The following AXL variants were observed in gnomAD, a reference collection of about 807,000 sequenced individuals.
The protein encoded by AXL is AXL receptor tyrosine kinase.
AXL carries 52 observed loss-of-function variants against 104.5 expected under a neutral mutation model. The ratio of observed to expected loss-of-function variants is 0.50; its 90% CI spans 0.40 to 0.63. The LOEUF (loss-of-function observed/expected upper bound fraction) is 0.63, where lower values mean the gene tolerates loss of function less well. Ranked by LOEUF, AXL falls within the 20% of genes least tolerant of loss-of-function variation. The probability of loss-of-function intolerance (pLI) is 0.00; values close to 1 mark genes in which losing one functional copy is unlikely to be tolerated. For missense variants in AXL, 1,024 were observed against 1,188.5 expected, an observed-to-expected ratio of 0.86 and a Z score of 2.04; for synonymous variants, 455 against 473.7, an observed-to-expected ratio of 0.96 and a Z score of 0.51.
chr19:41,242,841 C>G, intron 10 of AXL, 42 bp from the exon 11 acceptor site: 1 of 1,612,004 alleles, frequency 6.2e-7, no homozygotes, highest in Non-Finnish European at 8.5e-7. Context: ...AGAGCTGGAT[C>G]CAAGGCTTCA....
At chr19:41,254,376 C>CAAA (rs34633761) in intron 17 of AXL, among the ~76,000 whole-genome samples, 3 of 81,168 alleles carry the variant, frequency 3.7e-5, no homozygotes, top group Non-Finnish European at 4.8e-5. Context: ...GACTCTGTCT[C>CAAA]AAAAAAAAAA....
chr19:41,258,555 C>T (rs2034488708), intron 19 of AXL, among the ~76,000 whole-genome samples: 1 of 152,180 alleles, frequency 6.6e-6, no homozygotes, highest in Non-Finnish European at 1.5e-5. Context: ...GCTGGGACTA[C>T]AGGCGTGTGC....
chr19:41,252,552 C>T, intron 15 of AXL, 109 bp downstream of exon 15: 2 of 1,286,848 alleles, frequency 1.6e-6, no homozygotes, highest in African/African-American at 1.5e-5. Context: ...CTTCCTGCTC[C>T]CCGCTCCTTC....
At chr19:41,257,677 T>C in intron 19 of AXL, 48 bp downstream of exon 19, 4 of 1,611,080 alleles carry the variant, frequency 2.5e-6, no homozygotes, top group Non-Finnish European at 3.4e-6. Flanking sequence ...TCCAAACCCC[T>C]GACTACCCCC....
At chr19:41,254,920 A>C (rs2034429094) in intron 17 of AXL, among the ~76,000 whole-genome samples, 1 of 152,230 alleles carries the variant, frequency 6.6e-6, no homozygotes, top group South Asian at 2.1e-4. Context: ...TCTAAAAAAA[A>C]ATTGATGTAT....
chr19:41,257,257 T>C (rs909030747), intron 18 of AXL, among the ~76,000 whole-genome samples: 5 of 152,244 alleles, frequency 3.3e-5, no homozygotes, highest in African/African-American at 9.6e-5. Context: ...TTGGCCAGGC[T>C]GGTCTCAAAC....
At chr19:41,252,145 TA>T (rs1160132470) in intron 14 of AXL, among the ~76,000 whole-genome samples, 33 of 145,210 alleles carry the variant, frequency 2.3e-4, no homozygotes, top group African/African-American at 8.0e-4. Context: ...ATATATTTTA[TA>T]TATATATATA....
intron 6 of AXL, 29 bp downstream of exon 6, chr19:41,231,327 G>A (rs751189022): frequency 3.8e-6 from 6 of 1,582,222 alleles, no homozygotes; most frequent in Non-Finnish European, 5.2e-6. Context: ...GTTCATTTCA[G>A]TCTCAGGCCT....
rs150914023 is a variant in AXL, at chr19:41,231,265, C to T, written c.750C>T (p.Ser250=). 1.1e-3 allele frequency: 1,717 copies of T among 1,613,756 alleles called. 30 individuals are homozygous for T. The Admixed American group carries it at 0.026, about 25-fold the overall frequency. The change falls in exon 6 of 20, where the codon AGC becomes AGT. Residue 250 remains serine, a synonymous_variant. Coordinates refer to ENST00000301178, the MANE Select transcript of AXL (RefSeq NM_021913.5). ...ELEVAWTPGL[S]GIYPLTHCTL... Reference sequence around the variant, plus strand: ...AGGTGGCTTGGACTCCAGGCCTGAGCGGCATCTACCCCCTGACCCACTGCA... The same window carrying T: ...AGGTGGCTTGGACTCCAGGCCTGAGTGGCATCTACCCCCTGACCCACTGCA...
At chr19:41,249,454 T>A (rs974417196) in intron 14 of AXL, among the ~76,000 whole-genome samples, 1 of 149,894 alleles carries the variant, frequency 6.7e-6, no homozygotes, top group Admixed American at 6.6e-5. Context: ...GACTTTGTCT[T>A]AAAAAAATAA....
intron 19 of AXL, among the ~76,000 whole-genome samples, chr19:41,258,635 C>G (rs1218378340): frequency 6.6e-6 from 1 of 152,156 alleles, no homozygotes. Flanking sequence ...CCAGGATGGT[C>G]TTGATATCGT....
At chr19:41,249,575 G>A (rs1328531274) in intron 14 of AXL, among the ~76,000 whole-genome samples, 4 of 152,114 alleles carry the variant, frequency 2.6e-5, no homozygotes, top group African/African-American at 9.7e-5. Context: ...GATCTGCATA[G>A]CGAAACCCCA....
chr19:41,239,424 T>A (rs2034141383), intron 9 of AXL, 110 bp downstream of exon 9: 5 of 1,436,404 alleles, frequency 3.5e-6, no homozygotes, highest in Non-Finnish European at 4.7e-6. Flanking sequence ...GTTCCTACCC[T>A]GAGCCTTACT....
rs146266655 is a variant in AXL at position 41,259,339 on chromosome 19, C to T, written c.2334-214C>T. On this transcript the variant is annotated intron_variant, in intron 19 of 19. Coordinates refer to ENST00000301178, the MANE Select transcript of AXL (RefSeq NM_021913.5). Reference sequence around the variant, plus strand: ...CTACTCCATATACAGACAGGTTTCCCGAGACCCTTCCCAGCTCCTGAGTCT... The same window carrying T: ...CTACTCCATATACAGACAGGTTTCCTGAGACCCTTCCCAGCTCCTGAGTCT... Among the ~76,000 whole-genome samples the T allele has an allele frequency of 6.7e-3, 1,019 of 152,178 alleles. 14 individuals are homozygous for T. The highest frequency in any genetic ancestry group is 0.023 in the African/African-American group (954 of 41,504).
At chr19:41,224,819 C>G (rs1329994830) in intron 4 of AXL, among the ~76,000 whole-genome samples, 1 of 152,016 alleles carries the variant, frequency 6.6e-6, no homozygotes, top group African/African-American at 2.4e-5. Context: ...TAACAGCACC[C>G]TCTGCTTCTC....
At chr19:41,248,706 C>A (rs2122264724) in intron 13 of AXL, 37 bp from the exon 14 acceptor site, 1 of 1,613,112 alleles carries the variant, frequency 6.2e-7, no homozygotes, top group East Asian at 2.2e-5. Context: ...TCCCCACGGG[C>A]CCTCTGAGGT....
chr19:41,228,555 A>G (rs909803656), intron 4 of AXL, among the ~76,000 whole-genome samples: 4 of 152,162 alleles, frequency 2.6e-5, no homozygotes, highest in African/African-American at 7.2e-5. Context: ...CTCTCAAAAA[A>G]CAAAAGAAAA....
rs112048926 is a variant in AXL at position 41,255,737 on chromosome 19, G to GT, written c.2037-704dup. Reference sequence around the variant, plus strand: ...ATTACAGGCTTGAGCCACTGTGCCTGTTTTTTTTTTTGTTTGTTTTTGAGA... The same window carrying GT: ...ATTACAGGCTTGAGCCACTGTGCCTGTTTTTTTTTTTTGTTTGTTTTTGAGA... On this transcript the variant is annotated intron_variant, in intron 17 of 19. Coordinates refer to ENST00000301178, the MANE Select transcript of AXL (RefSeq NM_021913.5). Among the ~76,000 whole-genome samples, 406 of 144,696 alleles carry GT rather than the reference G, an allele frequency of 2.8e-3. 2 individuals carry two copies. Among genetic ancestry groups the GT allele is most frequent in the Middle Eastern group, 0.011 (3 of 264 alleles). 94.9% of individuals were successfully genotyped at this position (144,696 alleles called of 152,430 possible). A position where few individuals can be genotyped will look rare whatever the true frequency, so the allele number is the denominator to read the frequency against.
At chr19:41,226,851 TG>T (rs2033891391) in intron 4 of AXL, 1 of 960,368 alleles carries the variant, frequency 1.0e-6, no homozygotes, top group African/African-American at 1.8e-5. Flanking sequence ...TCCAGCACTT[TG>T]GGAGGCCGAG....
Sources: allele counts gnomAD v4.1 joint callset (sites outside exome capture counted in the v4.1 genomes callset), GRCh38; gene constraint gnomAD v4.1.1; transcripts MANE v1.5; gene names NCBI Gene and HGNC (gene_info 2026-07-23, HGNC 2026-07-21).